The following POU6F1 variants were observed in gnomAD, a reference collection of about 807,000 sequenced individuals.
POU6F1 encodes the protein POU domain, class 6, transcription factor 1.
A neutral mutation model predicts 28.9 loss-of-function variants in POU6F1; 9 were observed. The ratio of observed to expected loss-of-function variants is 0.31; its 90% confidence interval spans 0.19 to 0.54. The LOEUF (loss-of-function observed/expected upper bound fraction) is 0.54. POU6F1 is among the 20% of genes least tolerant of loss of function. POU6F1 has a pLI of 0.94. For synonymous variants in POU6F1, 173 were observed against 171.1 expected (o/e 1.01, Z -0.09); for missense variants, 338 against 426.1 (o/e 0.79, Z 1.82).
chr12:51,210,634 G>A (rs1943930494), intron 1 of POU6F1, among the ~76,000 whole-genome samples: 1 of 152,176 alleles, frequency 6.6e-6, no homozygotes, highest in Non-Finnish European at 1.5e-5. Context: ...GGGTGATTCT[G>A]ATATCCCTTT....
intron 1 of POU6F1, among the ~76,000 whole-genome samples, chr12:51,213,967 A>G (rs2137239240): frequency 6.6e-6 from 1 of 151,264 alleles, no homozygotes; most frequent in East Asian, 2.0e-4. Flanking sequence ...ACATGGGGAA[A>G]CCCCATCTCT....
At position 51,217,891 on chromosome 12, in the gene POU6F1, C is replaced by T. The variant is rs571871681; in HGVS notation, c.-297G>A. On this transcript the variant is annotated 5_prime_UTR_variant, in exon 1 of 11. Coordinates refer to ENST00000333640, the MANE Select transcript of POU6F1 (RefSeq NM_001330422.2). This position sits in a 1 kb window ranked among gnomAD's most constrained non-coding sequence, Gnocchi z 5.3. ...AGGGGGCTCCGCAGGCTAAGCCGGG[C>T]GGAGAGGGGACGGCCGGGAAGCGGG... is the stretch of plus-strand genomic sequence containing the variant. Among the ~76,000 whole-genome samples, 89 of 151,622 alleles carry T rather than the reference C, an allele frequency of 5.9e-4. No individual in the cohort carries two copies. The highest frequency in any genetic ancestry group is 2.0e-3 in the African/African-American group (84 of 41,396).
intron 3 of POU6F1, among the ~76,000 whole-genome samples, chr12:51,203,963 G>A (rs753687640): frequency 2.2e-4 from 34 of 152,174 alleles, no homozygotes; most frequent in Non-Finnish European, 4.1e-4. Flanking sequence ...GTTTAGGCCT[G>A]GAAGTGACAC....
chr12:51,212,514 T>C (rs61932924), intron 1 of POU6F1, among the ~76,000 whole-genome samples: 151,584 of 151,590 alleles, frequency 1, 75,789 homozygotes, highest in Middle Eastern at 1. Flanking sequence ...GGCGTGGTGG[T>C]TCTTGCCTGT....
At chr12:51,212,144 A>T (rs1370023329) in intron 1 of POU6F1, among the ~76,000 whole-genome samples, 2 of 151,552 alleles carry the variant, frequency 1.3e-5, no homozygotes, top group Admixed American at 6.6e-5. Flanking sequence ...CCCAGGCTGG[A>T]GTCCAGTGGC....
chr12:51,206,475 C>CAAA (rs199769786), intron 2 of POU6F1, among the ~76,000 whole-genome samples: 1 of 113,692 alleles, frequency 8.8e-6, no homozygotes, highest in Non-Finnish European at 2.1e-5. Flanking sequence ...TAGTAATTTG[C>CAAA]AAAAAAAAAA....
chr12:51,204,479 C>T (rs776966207), intron 2 of POU6F1, 111 bp from the exon 3 acceptor site: 11 of 397,254 alleles, frequency 2.8e-5, no homozygotes, highest in Non-Finnish European at 4.9e-5. Context: ...GGATGCAGAC[C>T]TCCTGTCCAG....
chr12:51,212,644 G>A (rs1340892363), intron 1 of POU6F1, among the ~76,000 whole-genome samples: 7 of 151,134 alleles, frequency 4.6e-5, no homozygotes, highest in Non-Finnish European at 7.4e-5. Context: ...GCCTGGGGTG[G>A]TGGCACATGC....
intron 8 of POU6F1, among the ~76,000 whole-genome samples, chr12:51,193,971 C>G (rs1014718392): frequency 6.6e-6 from 1 of 152,182 alleles, no homozygotes; most frequent in African/African-American, 2.4e-5. Flanking sequence ...CCTTGACTCT[C>G]CCTAGAGCTG....
intron 7 of POU6F1, 35 bp downstream of exon 7, chr12:51,196,764 G>C (rs1450013333): frequency 6.2e-7 from 1 of 1,612,506 alleles, no homozygotes; most frequent in Non-Finnish European, 8.5e-7. Context: ...CCTCTCCACA[G>C]TCCCCACCCT....
chr12:51,199,036 G>C lies in POU6F1; in HGVS notation c.367-261C>G, dbSNP rs1484607693. ...CGGCCCTGCTCACAGGATGGGAAGGGGGCACAGGCCTCCCCCACCACAGCC... is the reference window on the plus strand; with the variant it reads ...CGGCCCTGCTCACAGGATGGGAAGGCGGCACAGGCCTCCCCCACCACAGCC... On this transcript the variant is annotated intron_variant, in intron 4 of 10. Transcript: ENST00000333640. This position sits in a 1 kb window ranked among gnomAD's most constrained non-coding sequence, Gnocchi z 4.1. Among the ~76,000 whole-genome samples, 1 of 152,212 alleles carries C rather than the reference G, an allele frequency of 6.6e-6. No individual in the cohort carries two copies. Among genetic ancestry groups the C allele is most frequent in the Non-Finnish European group, 1.5e-5 (1 of 68,044 alleles).
rs928497145 is a variant in POU6F1 at position 51,199,760 on chromosome 12, T to G, written c.353A>C (p.Gln118Pro). The change falls in exon 4 of 11, where the codon CAA becomes CCA. Residue 118 changes from glutamine (Q) to proline (P), a missense_variant. Physicochemically the swap from Gln to Pro is moderately conservative, Grantham distance 76 (BLOSUM62 -1). This residue lies in a region of POU6F1 where 206 missense variants were observed against 225.6 expected (regional missense o/e 0.91). Coordinates refer to ENST00000333640, the MANE Select transcript of POU6F1 (RefSeq NM_001330422.2). This position sits in a 1 kb window ranked among gnomAD's most constrained non-coding sequence, Gnocchi z 4.1. ...ASQTLTPLAV[Q>P]AAPQVLTQEN... ...GGCAGCCCTTACCTGGGGGGCAGCT[T>G]GTACAGCCAGTGGCGTCAGGGTCTG... 2.0e-5 allele frequency: 8 copies of G among 398,978 alleles called. No homozygotes were observed. Among genetic ancestry groups the G allele is most frequent in the Admixed American group, 4.4e-5 (1 of 22,708 alleles). 24.7% of individuals were successfully genotyped at this position (398,978 alleles called of 1,614,324 possible). A position where few individuals can be genotyped will look rare whatever the true frequency, so the allele number is the denominator to read the frequency against.
rs1565643549 is a variant in POU6F1, at chr12:51,217,272, C to G, written c.-48+370G>C. On this transcript the variant is annotated intron_variant, in intron 1 of 10. Transcript: ENST00000333640. This position sits in a 1 kb window ranked among gnomAD's most constrained non-coding sequence, Gnocchi z 5.3. ...CACTGGTTCTGTGTACAGAGCGTCC[C>G]CTGTGGTCCGCACCCCACAAGGGCT... Among the ~76,000 whole-genome samples the G allele has an allele frequency of 6.6e-6, 1 of 152,208 alleles. No homozygotes were observed. The highest frequency in any genetic ancestry group is 1.5e-5 in the Non-Finnish European group (1 of 68,034).
At chr12:51,196,697 G>T in intron 7 of POU6F1, 102 bp downstream of exon 7, 2 of 1,384,618 alleles carry the variant, frequency 1.4e-6, no homozygotes, top group Non-Finnish European at 2.0e-6. Flanking sequence ...ACAGCTTGAC[G>T]TCTGTTCGAG....
chr12:51,191,885 G>T (rs532293749), intron 9 of POU6F1, 121 bp from the exon 10 acceptor site: 60 of 1,207,138 alleles, frequency 5.0e-5, no homozygotes, highest in Non-Finnish European at 6.9e-5. Context: ...AAAGGCTCAC[G>T]CACCTTCAAG....
chr12:51,214,215 G>T (rs1303606158), intron 1 of POU6F1, among the ~76,000 whole-genome samples: 1 of 152,010 alleles, frequency 6.6e-6, no homozygotes, highest in Non-Finnish European at 1.5e-5. Flanking sequence ...AGCCCTATGG[G>T]ATTGTTATGA....
chr12:51,200,527 C>A (rs1226956706), intron 3 of POU6F1, among the ~76,000 whole-genome samples: 1 of 152,152 alleles, frequency 6.6e-6, no homozygotes, highest in Non-Finnish European at 1.5e-5. Flanking sequence ...TTTTTGCCTT[C>A]TCTTGGTACC....
intron 2 of POU6F1, among the ~76,000 whole-genome samples, chr12:51,204,735 T>C (rs1294217334): frequency 3.3e-5 from 5 of 152,164 alleles, no homozygotes; most frequent in Non-Finnish European, 5.9e-5. Flanking sequence ...TCTTGGCAGC[T>C]AGGATCTTCG....
At chr12:51,209,683 C>T (rs1461461110) in intron 1 of POU6F1, among the ~76,000 whole-genome samples, 3 of 152,180 alleles carry the variant, frequency 2.0e-5, no homozygotes, top group African/African-American at 4.8e-5. Context: ...GTTTTAGCAT[C>T]TTCATTGCTT....
Sources: gnomAD v4.1 joint callset for allele counts (sites outside exome capture counted in the v4.1 genomes callset) on GRCh38, gnomAD v4.1.1 for gene constraint, gnomAD v4.1.1 regional missense constraint, Gnocchi (gnomAD v3.1) non-coding constraint, MANE v1.5 for transcripts, NCBI Gene and HGNC (gene_info 2026-07-23, HGNC 2026-07-21) for gene names.